GLI3: variants seen among roughly 807,000 people sequenced by gnomAD.
GLI3 encodes the protein GLI family zinc finger 3, also known as transcription activator GLI3.
In GLI3, 20 loss-of-function variants were observed where a neutral mutation model predicts 100.8. The ratio of observed to expected loss-of-function variants is 0.20; its 90% CI spans 0.14 to 0.29. GLI3 has a LOEUF of 0.29. GLI3 is among the 10% of genes least tolerant of loss of function. The probability of loss-of-function intolerance (pLI) is 1.00; values close to 1 mark genes in which losing one functional copy is unlikely to be tolerated. For missense variants in GLI3, 2,040 were observed against 2,128.5 expected, an observed-to-expected ratio of 0.96 and a Z score of 0.82; for synonymous variants, 938 against 860.5, an observed-to-expected ratio of 1.09 and a Z score of -1.58.
At chr7:41,995,172 A>G (rs1368748904) in intron 10 of GLI3, among the ~76,000 whole-genome samples, 1 of 152,240 alleles carries the variant, frequency 6.6e-6, no homozygotes, top group Non-Finnish European at 1.5e-5. Flanking sequence ...ACTGCAGTAC[A>G]AGTATCAGGA....
chr7:42,075,608 C>A (rs1215804678), intron 4 of GLI3, among the ~76,000 whole-genome samples: 1 of 152,206 alleles, frequency 6.6e-6, no homozygotes, highest in Admixed American at 6.5e-5. Context: ...CTCAAAGGAT[C>A]AGTCACAAGT....
intron 1 of GLI3, among the ~76,000 whole-genome samples, chr7:42,262,335 C>T (rs1481289320): frequency 6.6e-6 from 1 of 151,668 alleles, no homozygotes; most frequent in Non-Finnish European, 1.5e-5. Context: ...ACATGGGTCA[C>T]TGCAGTCTCA....
chr7:42,238,819 C>G (rs1320168140), upstream of GLI3, among the ~76,000 whole-genome samples: 1 of 152,230 alleles, frequency 6.6e-6, no homozygotes, highest in African/African-American at 2.4e-5. Flanking sequence ...CCAACATCCC[C>G]TCTTTCTGGT....
chr7:42,062,116 C>T (rs1193732890), intron 4 of GLI3, among the ~76,000 whole-genome samples: 2 of 152,130 alleles, frequency 1.3e-5, no homozygotes, highest in East Asian at 3.9e-4. Context: ...TCAAAAACAG[C>T]TTTTTGAGCC....
intron 10 of GLI3, among the ~76,000 whole-genome samples, chr7:42,014,995 C>G (rs1430058294): frequency 6.6e-6 from 1 of 152,202 alleles, no homozygotes; most frequent in Non-Finnish European, 1.5e-5. Context: ...ATTAGTACTA[C>G]TTGCTATGGA....
At chr7:42,191,728 T>A (rs1562780034) in intron 2 of GLI3, among the ~76,000 whole-genome samples, 3 of 151,950 alleles carry the variant, frequency 2.0e-5, no homozygotes, top group Non-Finnish European at 4.4e-5. Context: ...CCTTAACATA[T>A]TAACTCACTT....
At chr7:42,230,976 T>C (rs1788685408) in intron 1 of GLI3, among the ~76,000 whole-genome samples, 1 of 152,244 alleles carries the variant, frequency 6.6e-6, no homozygotes, top group Non-Finnish European at 1.5e-5. Flanking sequence ...AAAAATATCA[T>C]GACTGATCAG....
At chr7:42,159,781 T>C (rs1436339267) in intron 2 of GLI3, among the ~76,000 whole-genome samples, 2 of 152,188 alleles carry the variant, frequency 1.3e-5, no homozygotes, top group Non-Finnish European at 2.9e-5. Context: ...ACTAAAATCA[T>C]TTCATTCAAC....
chr7:42,033,399 G>C (rs1381519843), intron 7 of GLI3, among the ~76,000 whole-genome samples: 1 of 152,162 alleles, frequency 6.6e-6, no homozygotes, highest in African/African-American at 2.4e-5. Context: ...CTTTAGGTCA[G>C]GGCACTGGAA....
intron 3 of GLI3, among the ~76,000 whole-genome samples, chr7:42,125,738 T>G (rs180837241): frequency 1.3e-5 from 2 of 152,304 alleles, no homozygotes; most frequent in Admixed American, 1.3e-4. Flanking sequence ...AATACAGAGC[T>G]GTCCTCAGGA....
chr7:42,012,740 AGTACT>A (rs1208897380), intron 10 of GLI3, among the ~76,000 whole-genome samples: 1 of 152,256 alleles, frequency 6.6e-6, no homozygotes, highest in Non-Finnish European at 1.5e-5. Flanking sequence ...CAAATGGCTC[AGTACT>A]GAGATTCCAG....
Position 41,964,249 on chromosome 7 carries a change from A to T in GLI3, c.*81T>A, listed in dbSNP as rs1466541082. On this transcript the variant is annotated 3_prime_UTR_variant, in exon 15 of 15. Transcript: ENST00000395925. ...GATTGCTAAAATACATACAGAACTA[A>T]AAAAACAGCCAAAACAAAGTCAGTT... 3 of 1,284,332 alleles carry T rather than the reference A, an allele frequency of 2.3e-6. No homozygotes were observed. The highest frequency in any genetic ancestry group is 3.4e-6 in the Non-Finnish European group (3 of 889,470). 79.6% of individuals were successfully genotyped at this position (1,284,332 alleles called of 1,614,324 possible). A position where few individuals can be genotyped will look rare whatever the true frequency, so the allele number is the denominator to read the frequency against.
intron 2 of GLI3, among the ~76,000 whole-genome samples, chr7:42,214,600 G>A (rs1250375201): frequency 6.8e-6 from 1 of 147,248 alleles, no homozygotes; most frequent in Admixed American, 6.8e-5. Flanking sequence ...GTCTACCTGA[G>A]ACAAAGTCCA....
chr7:42,191,954 A>G (rs903555050), intron 2 of GLI3, among the ~76,000 whole-genome samples: 4 of 152,096 alleles, frequency 2.6e-5, no homozygotes, highest in Non-Finnish European at 5.9e-5. Flanking sequence ...TACAAGCTAA[A>G]CTGCCAAGAA....
In GLI3 at chr7:41,972,670, G is replaced by C. The variant is rs1396543387; in HGVS notation, c.1813-43C>G. 1.2e-5 allele frequency: 19 copies of C among 1,543,136 alleles called. No individual in the cohort carries two copies. Among genetic ancestry groups the C allele is most frequent in the South Asian group, 1.1e-4 (10 of 89,098 alleles). On this transcript the variant is annotated intron_variant, in intron 12 of 14. Coordinates refer to ENST00000395925, the MANE Select transcript of GLI3 (RefSeq NM_000168.6). This position sits in a 1 kb window ranked among gnomAD's most constrained non-coding sequence, Gnocchi z 4.4. ...AACGAGGTAAGAGATTGTTATGAAA[G>C]AGACTATGCCCCAGCCCAAAAGTCC...
At chr7:42,065,800 T>A (rs1784661693) in intron 4 of GLI3, among the ~76,000 whole-genome samples, 1 of 152,164 alleles carries the variant, frequency 6.6e-6, no homozygotes, top group African/African-American at 2.4e-5. Context: ...TGAACTACCC[T>A]CCTTCAATAG....
At chr7:41,974,161 T>C (rs529759580) in intron 12 of GLI3, among the ~76,000 whole-genome samples, 1 of 152,274 alleles carries the variant, frequency 6.6e-6, no homozygotes, top group South Asian at 2.1e-4. Flanking sequence ...CCTGTAAATA[T>C]ATGGATGTAC....
chr7:42,119,847 A>G (rs997916608), intron 3 of GLI3, among the ~76,000 whole-genome samples: 8 of 152,214 alleles, frequency 5.3e-5, no homozygotes, highest in Non-Finnish European at 1.2e-4. Flanking sequence ...ATTAAGTGCA[A>G]TAACTTTCTA....
chr7:42,262,362 C>T (rs577939856), intron 1 of GLI3, among the ~76,000 whole-genome samples: 3 of 151,978 alleles, frequency 2.0e-5, no homozygotes, highest in South Asian at 2.1e-4. Flanking sequence ...TAGGCTCAAG[C>T]GGTCCTCCCA....
Sources: gnomAD v4.1 joint callset for allele counts (sites outside exome capture counted in the v4.1 genomes callset) on GRCh38, gnomAD v4.1.1 for gene constraint, Gnocchi (gnomAD v3.1) non-coding constraint, MANE v1.5 for transcripts, NCBI Gene and HGNC (gene_info 2026-07-23, HGNC 2026-07-21) for gene names.